The following DRC11 variants were observed in gnomAD, a reference collection of about 807,000 sequenced individuals.
The protein encoded by DRC11 is dynein regulatory complex subunit 11.
At chr2:236,385,384 G>C in the DRC11 span, among the ~76,000 whole-genome samples, 30 of 145,860 alleles carry the variant, frequency 2.1e-4, no homozygotes, top group African/African-American at 5.1e-4. Flanking sequence ...CACATCCCTT[G>C]TAAGTTGGAT....
the DRC11 span, among the ~76,000 whole-genome samples, chr2:236,474,216 A>G: frequency 6.6e-6 from 1 of 152,194 alleles, no homozygotes; most frequent in African/African-American, 2.4e-5. Flanking sequence ...ACACACTCAA[A>G]AAAAAAGCAA....
At chr2:236,357,711 T>C in the DRC11 span, among the ~76,000 whole-genome samples, 2 of 126,626 alleles carry the variant, frequency 1.6e-5, no homozygotes, top group South Asian at 2.3e-4. Context: ...TATGTAAATA[T>C]GTATTTATAA....
chr2:236,324,794 A>G, the DRC11 span: 3 of 1,588,274 alleles, frequency 1.9e-6, no homozygotes, highest in South Asian at 2.3e-5. This position sits in a 1 kb window ranked among gnomAD's most constrained non-coding sequence, Gnocchi z 5.7. Context: ...CTGAAATACA[A>G]TAGAAGTTTC....
chr2:236,390,130 A>G, the DRC11 span, among the ~76,000 whole-genome samples: 3 of 152,238 alleles, frequency 2.0e-5, no homozygotes, highest in Admixed American at 2.0e-4. The surrounding 1 kb of genome is among the most constrained non-coding windows in gnomAD (Gnocchi z 5.9). Context: ...AGATATGTTA[A>G]TATTTACTTC....
the DRC11 span, among the ~76,000 whole-genome samples, chr2:236,469,210 T>A: frequency 6.6e-6 from 1 of 152,332 alleles, no homozygotes; most frequent in Non-Finnish European, 1.5e-5. The surrounding 1 kb of genome is among the most constrained non-coding windows in gnomAD (Gnocchi z 5.8). Context: ...CTTTTATTTA[T>A]TTATTTAGTT....
At chr2:236,368,173 C>A in the DRC11 span, 82 of 1,448,794 alleles carry the variant, frequency 5.7e-5, 1 homozygote, top group South Asian at 9.2e-4. Context: ...AAAGGCACAT[C>A]CGCGCACGCC....
the DRC11 span, among the ~76,000 whole-genome samples, chr2:236,417,269 A>C: frequency 1.3e-5 from 2 of 152,102 alleles, no homozygotes; most frequent in Non-Finnish European, 2.9e-5. Flanking sequence ...GTAACTTCTA[A>C]CTCAAGTAGC....
chr2:236,421,506 C>G, the DRC11 span, among the ~76,000 whole-genome samples: 1 of 152,216 alleles, frequency 6.6e-6, no homozygotes, highest in South Asian at 2.1e-4. Context: ...CAAGACCAAA[C>G]CAGGGAGAAG....
At chr2:236,354,235 A>ATGAG in the DRC11 span, among the ~76,000 whole-genome samples, 10 of 150,166 alleles carry the variant, frequency 6.7e-5, no homozygotes, top group East Asian at 3.9e-4. Flanking sequence ...TGCGTATGTT[A>ATGAG]GTATGAGGTA....
At chr2:236,371,362 G>A in the DRC11 span, among the ~76,000 whole-genome samples, 8 of 152,152 alleles carry the variant, frequency 5.3e-5, no homozygotes, top group African/African-American at 1.9e-4. This position sits in a 1 kb window ranked among gnomAD's most constrained non-coding sequence, Gnocchi z 5.1. Context: ...GGTGAGTGAG[G>A]GTGCCTGGGT....
chr2:236,399,335 G>T, the DRC11 span: 2 of 1,108,282 alleles, frequency 1.8e-6, no homozygotes, highest in South Asian at 1.3e-5. The surrounding 1 kb of genome is among the most constrained non-coding windows in gnomAD (Gnocchi z 7.0). Flanking sequence ...GTTGTGAGTG[G>T]CATACAGCAG....
At chr2:236,355,721 ATC>A in the DRC11 span, among the ~76,000 whole-genome samples, 2,835 of 146,848 alleles carry the variant, frequency 0.019, 55 homozygotes, top group African/African-American at 0.049. Flanking sequence ...CTAATTGTAC[ATC>A]TCTCTCTCTC....
At chr2:236,372,003 C>T in the DRC11 span, among the ~76,000 whole-genome samples, 2 of 152,202 alleles carry the variant, frequency 1.3e-5, no homozygotes, top group Admixed American at 1.3e-4. This position sits in a 1 kb window ranked among gnomAD's most constrained non-coding sequence, Gnocchi z 4.5. Flanking sequence ...TCAATATTCT[C>T]AGATAGACAG....
chr2:236,362,871 A>G, the DRC11 span, among the ~76,000 whole-genome samples: 1 of 152,036 alleles, frequency 6.6e-6, no homozygotes, highest in African/African-American at 2.4e-5. This position sits in a 1 kb window ranked among gnomAD's most constrained non-coding sequence, Gnocchi z 5.7. Context: ...AGTGGGAGGG[A>G]CCACGTGGCT....
At chr2:236,357,457 A>C in the DRC11 span, among the ~76,000 whole-genome samples, 9 of 126,814 alleles carry the variant, frequency 7.1e-5, no homozygotes, top group East Asian at 1.6e-3. Context: ...TAAATTATAT[A>C]TATTTACATA....
the DRC11 span, among the ~76,000 whole-genome samples, chr2:236,479,423 A>G: frequency 2.6e-5 from 4 of 151,966 alleles, no homozygotes; most frequent in East Asian, 7.7e-4. The surrounding 1 kb of genome is among the most constrained non-coding windows in gnomAD (Gnocchi z 4.1). Context: ...TTCCTTTCTT[A>G]TACTCTTCCT....
the DRC11 span, among the ~76,000 whole-genome samples, chr2:236,498,416 A>G: frequency 6.6e-6 from 1 of 151,828 alleles, no homozygotes; most frequent in South Asian, 2.1e-4. Context: ...AGTGACCCGA[A>G]ATCATGCCGC....
chr2:236,315,379 A>G, the DRC11 span, among the ~76,000 whole-genome samples: 1 of 152,200 alleles, frequency 6.6e-6, no homozygotes, highest in Non-Finnish European at 1.5e-5. This position sits in a 1 kb window ranked among gnomAD's most constrained non-coding sequence, Gnocchi z 5.1. Flanking sequence ...AAGGGGAGAA[A>G]TAGGAACGTT....
chr2:236,446,246 T>C, the DRC11 span, among the ~76,000 whole-genome samples: 1 of 152,060 alleles, frequency 6.6e-6, no homozygotes, highest in Admixed American at 6.6e-5. The surrounding 1 kb of genome is among the most constrained non-coding windows in gnomAD (Gnocchi z 6.2). Context: ...AGGTGATGAG[T>C]GCTTTATGCT....
Sources: gnomAD v4.1 joint callset for allele counts (sites outside exome capture counted in the v4.1 genomes callset) on GRCh38, gnomAD v4.1.1 for gene constraint, Gnocchi (gnomAD v3.1) non-coding constraint, MANE v1.5 for transcripts, NCBI Gene and HGNC (gene_info 2026-07-23, HGNC 2026-07-21) for gene names.